The following CEP41 variants were observed in gnomAD, a reference collection of about 807,000 sequenced individuals.
CEP41 encodes centrosomal protein 41.
Under a neutral mutation model 44.3 loss-of-function variants are expected in CEP41, and 32 were observed. That is an observed-to-expected ratio of 0.72 (90% CI 0.54 to 0.97). The LOEUF (loss-of-function observed/expected upper bound fraction) is 0.97, where lower values mean the gene tolerates loss of function less well. CEP41 is among the 50% of genes least tolerant of loss of function. The pLI is 0.00. For synonymous variants in CEP41, 151 were observed against 168.5 expected (o/e 0.90, Z 0.80); for missense variants, 432 against 455.2 (o/e 0.95, Z 0.46).
Position 130,411,185 on chromosome 7 carries a change from G to C in CEP41, c.214C>G (p.Gln72Glu). 6.2e-7 allele frequency: 1 copy of C among 1,613,102 alleles called. No homozygotes were observed. The highest frequency in any genetic ancestry group is 8.5e-7 in the Non-Finnish European group (1 of 1,179,070). The change falls in exon 5 of 11, where the codon CAA becomes GAA. Residue 72 changes from glutamine to glutamate, a missense_variant. Gln to Glu is a conservative substitution (Grantham distance 29, BLOSUM62 2). Coordinates refer to ENST00000223208, the MANE Select transcript of CEP41 (RefSeq NM_018718.3). ...GTTTGATCAGAGAGGGAAGCAACTT[G>C]GATGATCTGATAGAAAAAAGAATGA... ...KVTTFAQLII[Q>E]VASLSDQTLE...
intron 2 of CEP41, among the ~76,000 whole-genome samples, chr7:130,427,133 T>C (rs1797687896): frequency 6.6e-6 from 1 of 152,114 alleles, no homozygotes; most frequent in Non-Finnish European, 1.5e-5. Flanking sequence ...TTAAACAAAG[T>C]CAACATCGTC....
chr7:130,421,934 A>C (rs1797521626), intron 2 of CEP41: 2 of 1,535,424 alleles, frequency 1.3e-6, no homozygotes, highest in Non-Finnish European at 8.7e-7. Flanking sequence ...GCAGCCAGGG[A>C]TTTCATCAGA....
At chr7:130,404,775 C>T (rs1235662068) in intron 5 of CEP41, 67 bp from the exon 6 acceptor site, 1 of 1,212,360 alleles carries the variant, frequency 8.2e-7, no homozygotes, top group Middle Eastern at 2.5e-4. Context: ...ATTAGTTCCA[C>T]TGACATTAAG....
intron 6 of CEP41, among the ~76,000 whole-genome samples, chr7:130,403,479 C>G (rs1222892030): frequency 6.6e-6 from 1 of 152,110 alleles, no homozygotes; most frequent in Non-Finnish European, 1.5e-5. Context: ...AAACTGGTCA[C>G]CATCTTAATA....
Position 130,397,007 on chromosome 7 carries a change from C to G in CEP41, c.*1884G>C, listed in dbSNP as rs782223075. The G allele has an allele frequency of 2.2e-6, 1 of 454,454 alleles. No homozygotes were observed. The highest frequency in any genetic ancestry group is 1.6e-5 in the South Asian group (1 of 64,450). The allele number at this position is 454,454 out of a possible 1,614,324, so 28.2% of individuals were successfully genotyped here. A position where few individuals can be genotyped will look rare whatever the true frequency, so the allele number is the denominator to read the frequency against. On this transcript the variant is annotated 3_prime_UTR_variant, in exon 11 of 11. Coordinates refer to ENST00000223208, the MANE Select transcript of CEP41 (RefSeq NM_018718.3). ...ACAAGTCACCTTTAAAACAGCATAA[C>G]CAGAACTTTCTTACAGAGAAAAATC...
rs1554413912 is a variant in CEP41 at position 130,394,973 on chromosome 7, A to C, written c.*3918T>G. ...CACAGGTGAGAATTTGCTTCTGTACAGAACAAAGAGGATCAGCAACAGAGA... is the reference window on the plus strand; with the variant it reads ...CACAGGTGAGAATTTGCTTCTGTACCGAACAAAGAGGATCAGCAACAGAGA... On this transcript the variant is annotated 3_prime_UTR_variant, in exon 11 of 11. Transcript: ENST00000223208. The C allele has an allele frequency of 3.5e-5, 16 of 454,010 alleles. No homozygotes were observed. The highest frequency in any genetic ancestry group is 8.8e-6 in the Non-Finnish European group (2 of 226,784). The allele number at this position is 454,010 out of a possible 1,614,324, so 28.1% of individuals were successfully genotyped here.
chr7:130,402,042 C>T (rs1327591079), intron 7 of CEP41, 94 bp from the exon 8 acceptor site: 6 of 855,306 alleles, frequency 7.0e-6, no homozygotes, highest in Non-Finnish European at 9.9e-6. Context: ...GAGTTAAATA[C>T]ATCTTCAAAA....
chr7:130,416,550 C>G (rs758018569), intron 3 of CEP41, among the ~76,000 whole-genome samples: 3 of 152,190 alleles, frequency 2.0e-5, no homozygotes, highest in Non-Finnish European at 4.4e-5. Context: ...ATTATTACCC[C>G]CTATCTCAAA....
chr7:130,400,601 C>T (rs1272414120), intron 9 of CEP41, 106 bp downstream of exon 9: 1 of 804,178 alleles, frequency 1.2e-6, no homozygotes, highest in East Asian at 2.7e-5. Context: ...GGCTTTTTCT[C>T]TTTCCAGAAC....
At position 130,407,708 on chromosome 7, in the gene CEP41, GCAAA is replaced by G. The variant is rs1200820083; in HGVS notation, c.278-3004_278-3001del. Among the ~76,000 whole-genome samples, 112 of 152,070 alleles carry G rather than the reference GCAAA, an allele frequency of 7.4e-4. 1 individual carries two copies. The highest frequency in any genetic ancestry group is 2.5e-3 in the African/African-American group (105 of 41,502). ...AAAATACATAACAGATGGTTTAAAT[GCAAA>G]CAAACAAGCCAATAGATTATTACAA... On this transcript the variant is annotated intron_variant, in intron 5 of 10. Coordinates refer to ENST00000223208, the MANE Select transcript of CEP41 (RefSeq NM_018718.3).
At chr7:130,438,038 T>A (rs1222353815) in intron 1 of CEP41, among the ~76,000 whole-genome samples, 1 of 152,106 alleles carries the variant, frequency 6.6e-6, no homozygotes, top group Non-Finnish European at 1.5e-5. Flanking sequence ...CGGAACATAC[T>A]TGCTCCTCTT....
chr7:130,423,404 T>C (rs1797567140), intron 2 of CEP41, among the ~76,000 whole-genome samples: 1 of 151,910 alleles, frequency 6.6e-6, no homozygotes, highest in African/African-American at 2.4e-5. Flanking sequence ...AACATGAAAA[T>C]CAAAGCCATA....
Position 130,397,393 on chromosome 7 carries a change from T to C in CEP41, c.*1498A>G. The C allele has an allele frequency of 2.2e-6, 1 of 453,272 alleles. No individual in the cohort carries two copies. The highest frequency in any genetic ancestry group is 4.4e-6 in the Non-Finnish European group (1 of 226,120). 28.1% of individuals were successfully genotyped at this position (453,272 alleles called of 1,614,324 possible). The stretch of plus-strand genomic sequence containing the variant: ...CAAGTAGAGAAGAATAAACACACTC[T>C]AAAACAGAACTGGGCTGAATCTGAA... On this transcript the variant is annotated 3_prime_UTR_variant, in exon 11 of 11. Coordinates refer to ENST00000223208, the MANE Select transcript of CEP41 (RefSeq NM_018718.3).
intron 5 of CEP41, among the ~76,000 whole-genome samples, chr7:130,408,492 G>C (rs1467163909): frequency 6.6e-6 from 1 of 152,138 alleles, no homozygotes; most frequent in African/African-American, 2.4e-5. Flanking sequence ...CACACACACA[G>C]AGCATAATCT....
intron 1 of CEP41, among the ~76,000 whole-genome samples, chr7:130,431,125 T>TAAAA (rs61162866): frequency 0.17 from 25,923 of 152,108 alleles, 2,187 homozygotes; most frequent in African/African-American, 0.2. Context: ...AACCGCAATG[T>TAAAA]AAAACTATTT....
Position 130,396,580 on chromosome 7 carries a change from C to G in CEP41, c.*2311G>C, listed in dbSNP as rs890781189. ...CTTCAACATTCATAATTGCACAAAGCATCACTGGTCATTTAAATAATACAT... is the reference window on the plus strand; with the variant it reads ...CTTCAACATTCATAATTGCACAAAGGATCACTGGTCATTTAAATAATACAT... On this transcript the variant is annotated 3_prime_UTR_variant, in exon 11 of 11. Coordinates refer to ENST00000223208, the MANE Select transcript of CEP41 (RefSeq NM_018718.3). The G allele has an allele frequency of 2.2e-6, 1 of 454,464 alleles. No homozygotes were observed. The highest frequency in any genetic ancestry group is 2.0e-5 in the African/African-American group (1 of 50,100). 28.2% of individuals were successfully genotyped at this position (454,464 alleles called of 1,614,324 possible).
At position 130,395,932 on chromosome 7, in the gene CEP41, T is replaced by C; in HGVS notation, c.*2959A>G. ...AAATGAATGCAGGCCATTTAAATCATTCCATACTTTTTCAAGAGATTGAGC... is the reference window on the plus strand; with the variant it reads ...AAATGAATGCAGGCCATTTAAATCACTCCATACTTTTTCAAGAGATTGAGC... On this transcript the variant is annotated 3_prime_UTR_variant, in exon 11 of 11. Coordinates refer to ENST00000223208, the MANE Select transcript of CEP41 (RefSeq NM_018718.3). 2.2e-6 allele frequency: 1 copy of C among 452,316 alleles called. No homozygotes were observed. The highest frequency in any genetic ancestry group is 4.4e-6 in the Non-Finnish European group (1 of 226,534). The allele number at this position is 452,316 out of a possible 1,614,324, so 28.0% of individuals were successfully genotyped here.
At chr7:130,406,969 A>T (rs938993313) in intron 5 of CEP41, among the ~76,000 whole-genome samples, 2 of 151,444 alleles carry the variant, frequency 1.3e-5, no homozygotes, top group African/African-American at 4.8e-5. Context: ...AAAGTATAAT[A>T]AAAAAAAGTA....
intron 2 of CEP41, among the ~76,000 whole-genome samples, chr7:130,425,143 T>C (rs1797622937): frequency 6.6e-6 from 1 of 152,152 alleles, no homozygotes; most frequent in South Asian, 2.1e-4. Flanking sequence ...AAAACTGCAA[T>C]GGGCTGGGTG....
Sources: allele counts gnomAD v4.1 joint callset (sites outside exome capture counted in the v4.1 genomes callset), GRCh38; gene constraint gnomAD v4.1.1; transcripts MANE v1.5; gene names NCBI Gene and HGNC (gene_info 2026-07-23, HGNC 2026-07-21).